SNTG1: variants seen among roughly 807,000 people sequenced by gnomAD.
The protein encoded by SNTG1 is gamma-1-syntrophin.
Under a neutral mutation model 74.7 loss-of-function variants are expected in SNTG1, and 39 were observed. That is an observed-to-expected ratio of 0.52 (90% CI 0.40 to 0.68). The LOEUF (loss-of-function observed/expected upper bound fraction) is 0.68, where lower values mean the gene tolerates loss of function less well. Ranked by LOEUF, SNTG1 falls within the 30% of genes least tolerant of loss-of-function variation. SNTG1 has a pLI of 0.00. For missense variants in SNTG1, 685 were observed against 609.5 expected (o/e 1.12, Z -1.30); for synonymous variants, 254 against 217.1 (o/e 1.17, Z -1.49).
intron 1 of SNTG1, among the ~76,000 whole-genome samples, chr8:50,034,362 C>T (rs560296475): frequency 1.1e-4 from 16 of 152,324 alleles, no homozygotes; most frequent in African/African-American, 3.6e-4. Flanking sequence ...GACTTGTTAA[C>T]TGGTGTAGTT....
At chr8:50,367,801 A>G (rs2092157383) in intron 2 of SNTG1, among the ~76,000 whole-genome samples, 1 of 152,246 alleles carries the variant, frequency 6.6e-6, no homozygotes, top group African/African-American at 2.4e-5. Flanking sequence ...ACACGCACAC[A>G]TGCACCCTAC....
At chr8:50,300,795 A>C (rs2089610466) in intron 2 of SNTG1, among the ~76,000 whole-genome samples, 1 of 152,076 alleles carries the variant, frequency 6.6e-6, no homozygotes, top group South Asian at 2.1e-4. Context: ...TTTATCTTGG[A>C]ATGTATTTAA....
chr8:50,238,177 T>A (rs2086001327), intron 2 of SNTG1, among the ~76,000 whole-genome samples: 1 of 151,998 alleles, frequency 6.6e-6, no homozygotes, highest in Non-Finnish European at 1.5e-5. Flanking sequence ...TGAACCCAAA[T>A]AACCAAAGCA....
chr8:49,915,374 C>G (rs971872951), intron 1 of SNTG1, among the ~76,000 whole-genome samples: 3 of 152,144 alleles, frequency 2.0e-5, no homozygotes, highest in Admixed American at 6.5e-5. Context: ...AAAAATCCCA[C>G]TAATTACTAA....
chr8:50,049,186 T>C (rs1819355142), intron 1 of SNTG1, among the ~76,000 whole-genome samples: 1 of 152,116 alleles, frequency 6.6e-6, no homozygotes, highest in Non-Finnish European at 1.5e-5. Context: ...ATCACTTTAA[T>C]TTAAAATGTT....
intron 17 of SNTG1, among the ~76,000 whole-genome samples, chr8:50,733,247 G>T (rs1044327534): frequency 6.6e-6 from 1 of 151,958 alleles, no homozygotes; most frequent in Non-Finnish European, 1.5e-5. Context: ...CCATGCTGTT[G>T]CAAAGGGAAA....
At chr8:50,354,928 A>G (rs2091775703) in intron 2 of SNTG1, among the ~76,000 whole-genome samples, 1 of 152,192 alleles carries the variant, frequency 6.6e-6, no homozygotes, top group Non-Finnish European at 1.5e-5. Flanking sequence ...TTAGAGCACA[A>G]ATTTGATACT....
chr8:50,202,800 T>G (rs949061918), intron 2 of SNTG1, among the ~76,000 whole-genome samples: 11 of 152,036 alleles, frequency 7.2e-5, no homozygotes, highest in Admixed American at 2.0e-4. Flanking sequence ...GTTTTGTTTT[T>G]TTTTTTTTAC....
chr8:50,389,569 C>T (rs1013011044), intron 2 of SNTG1, among the ~76,000 whole-genome samples: 1 of 152,138 alleles, frequency 6.6e-6, no homozygotes, highest in Admixed American at 6.5e-5. Context: ...TTTATAGCAG[C>T]ATGATTTATA....
At chr8:50,221,289 T>C (rs2085051335) in intron 2 of SNTG1, among the ~76,000 whole-genome samples, 1 of 152,018 alleles carries the variant, frequency 6.6e-6, no homozygotes, top group Non-Finnish European at 1.5e-5. Flanking sequence ...ATGCAAGACT[T>C]AAAATTAGTT....
At chr8:50,030,885 G>T (rs1441967140) in intron 1 of SNTG1, among the ~76,000 whole-genome samples, 4 of 151,832 alleles carry the variant, frequency 2.6e-5, no homozygotes, top group African/African-American at 4.8e-5. Flanking sequence ...AATGTGGTAG[G>T]ATTTTGGTAA....
chr8:50,588,034 C>G (rs1261183705), intron 12 of SNTG1, among the ~76,000 whole-genome samples: 1 of 151,452 alleles, frequency 6.6e-6, no homozygotes, highest in Non-Finnish European at 1.5e-5. Flanking sequence ...GCAGGAGAAT[C>G]GCTTGAACCC....
intron 2 of SNTG1, among the ~76,000 whole-genome samples, chr8:50,198,116 G>T (rs2083846903): frequency 6.6e-6 from 1 of 152,036 alleles, no homozygotes; most frequent in African/African-American, 2.4e-5. Flanking sequence ...AGCAGCCTGT[G>T]CCCAGAGCGC....
At chr8:50,593,717 C>CTTTTTTTTT (rs1183759564) in intron 13 of SNTG1, among the ~76,000 whole-genome samples, 9 of 136,062 alleles carry the variant, frequency 6.6e-5, no homozygotes, top group African/African-American at 2.2e-4. Flanking sequence ...TGATTTGGTT[C>CTTTTTTTTT]TTTTTTTTTT....
At chr8:50,297,152 T>C (rs142417563) in intron 2 of SNTG1, among the ~76,000 whole-genome samples, 36 of 152,316 alleles carry the variant, frequency 2.4e-4, no homozygotes, top group African/African-American at 8.7e-4. Context: ...TGAGTCATGA[T>C]TGCACATGAC....
chr8:50,242,107 C>A (rs1384334729), intron 2 of SNTG1, among the ~76,000 whole-genome samples: 2 of 151,428 alleles, frequency 1.3e-5, no homozygotes, highest in African/African-American at 2.4e-5. Context: ...GTATACATAT[C>A]TACATATATA....
chr8:50,061,999 T>G (rs926091709), intron 1 of SNTG1, among the ~76,000 whole-genome samples: 1 of 152,188 alleles, frequency 6.6e-6, no homozygotes, highest in Non-Finnish European at 1.5e-5. Context: ...GCTGATTTTC[T>G]CTTTATCAAT....
At chr8:49,923,082 C>A (rs571365742) in intron 1 of SNTG1, among the ~76,000 whole-genome samples, 2 of 152,188 alleles carry the variant, frequency 1.3e-5, no homozygotes, top group Non-Finnish European at 2.9e-5. Context: ...ATATTTCAAG[C>A]AATATATGCA....
intron 8 of SNTG1, among the ~76,000 whole-genome samples, chr8:50,451,421 A>T (rs1239538596): frequency 1.3e-5 from 2 of 152,004 alleles, no homozygotes; most frequent in Non-Finnish European, 2.9e-5. Flanking sequence ...GAACAAATGG[A>T]AGGGCATATA....
Sources: allele counts gnomAD v4.1 joint callset (sites outside exome capture counted in the v4.1 genomes callset), GRCh38; gene constraint gnomAD v4.1.1; transcripts MANE v1.5; gene names NCBI Gene and HGNC (gene_info 2026-07-23, HGNC 2026-07-21).